The following CCDC15 variants were observed in gnomAD, a reference collection of about 807,000 sequenced individuals.
CCDC15 encodes coiled-coil domain containing 15.
CCDC15 carries 105 observed loss-of-function variants against 114.5 expected under a neutral mutation model. The observed-to-expected ratio is 0.92, with a 90% CI of 0.78 to 1.08. The LOEUF is 1.08. Among genes scored for constraint, CCDC15 ranks in the 50% least tolerant of loss-of-function variants. CCDC15 has a pLI of 0.00. For synonymous variants in CCDC15, 334 were observed against 377.8 expected (o/e 0.88, Z 1.34); for missense variants, 1,105 against 1,093.6 (o/e 1.01, Z -0.15).
intron 13 of CCDC15, among the ~76,000 whole-genome samples, chr11:125,031,512 C>T (rs1948739133): frequency 6.6e-6 from 1 of 152,200 alleles, no homozygotes; most frequent in Admixed American, 6.6e-5. Flanking sequence ...AGAAAGCACC[C>T]ACTTCATGAT....
At chr11:125,010,282 T>C (rs796615550) in intron 13 of CCDC15, among the ~76,000 whole-genome samples, 4 of 152,324 alleles carry the variant, frequency 2.6e-5, no homozygotes, top group African/African-American at 9.6e-5. Flanking sequence ...TGGAACATAT[T>C]TTCATGTTTA....
intron 8 of CCDC15, among the ~76,000 whole-genome samples, chr11:124,989,284 T>G (rs1948230160): frequency 6.6e-6 from 1 of 152,148 alleles, no homozygotes; most frequent in Admixed American, 6.5e-5. Context: ...GCATCTTTAT[T>G]TTTTTTGGAA....
rs184719217 is a variant in CCDC15, at chr11:125,004,789, A to G, written c.2308-320A>G. On this transcript the variant is annotated intron_variant, in intron 12 of 15. Transcript: ENST00000344762. Reference sequence around the variant, plus strand: ...TTGGTTCTGTTATGAAATATCTTCTACATTCTTTCTGTGGCTCTGCTTTTA... The same window carrying G: ...TTGGTTCTGTTATGAAATATCTTCTGCATTCTTTCTGTGGCTCTGCTTTTA... 9.9e-5 allele frequency among the ~76,000 whole-genome samples: 15 copies of G among 152,206 alleles called. No homozygotes were observed. In the East Asian group the frequency reaches 2.9e-3, roughly 29 times the overall value.
chr11:125,015,788 A>G (rs1948625454), intron 13 of CCDC15, among the ~76,000 whole-genome samples: 1 of 152,172 alleles, frequency 6.6e-6, no homozygotes, highest in Admixed American at 6.5e-5. Flanking sequence ...AGCATTACAG[A>G]CTAATTTTTC....
intron 13 of CCDC15, among the ~76,000 whole-genome samples, chr11:125,019,693 C>G (rs1418893392): frequency 6.6e-6 from 1 of 151,890 alleles, no homozygotes; most frequent in African/African-American, 2.4e-5. Flanking sequence ...TCACTGGGTA[C>G]ATGTTGTACT....
rs1947812737 is a variant in CCDC15, at chr11:124,967,966, C to CTGCAGAACAGCAAATAT, written c.517-7109_517-7093dup. Among the ~76,000 whole-genome samples the CTGCAGAACAGCAAATAT allele has an allele frequency of 1.1e-4, 17 of 152,290 alleles. No homozygotes were observed. In the South Asian group the frequency reaches 2.9e-3, roughly 26 times the overall value. On this transcript the variant is annotated intron_variant, in intron 4 of 15. Coordinates refer to ENST00000344762, the MANE Select transcript of CCDC15 (RefSeq NM_025004.3). ...TTTGCCTGGGTATCACCAGTGGAGG[C>CTGCAGAACAGCAAATAT]TGCAGAACAGCAAATATTGCAGAAC... is the stretch of plus-strand genomic sequence containing the variant.
At chr11:125,031,382 G>A (rs1304058156) in intron 13 of CCDC15, among the ~76,000 whole-genome samples, 4 of 152,208 alleles carry the variant, frequency 2.6e-5, no homozygotes, top group African/African-American at 9.7e-5. Context: ...ATGGGCATTT[G>A]AGCCACTTCC....
intron 13 of CCDC15, among the ~76,000 whole-genome samples, chr11:125,009,591 T>A (rs1387211548): frequency 6.6e-6 from 1 of 152,182 alleles, no homozygotes; most frequent in Non-Finnish European, 1.5e-5. Context: ...GTGGTATAAA[T>A]GATCCTGTCA....
chr11:125,018,694 A>C (rs997433069), intron 13 of CCDC15, among the ~76,000 whole-genome samples: 8 of 152,096 alleles, frequency 5.3e-5, no homozygotes, highest in Non-Finnish European at 4.4e-5. Context: ...GTAACGTGTA[A>C]ATGTGCTTAG....
At position 125,012,816 on chromosome 11, in the gene CCDC15, G is replaced by A. The variant is rs191466084; in HGVS notation, c.2411+7604G>A. ...AACATTTATTGAAAACTTACTACAT[G>A]CCAGGGACTGTTCTATATGCTGAGA... On this transcript the variant is annotated intron_variant, in intron 13 of 15. Transcript: ENST00000344762. Among the ~76,000 whole-genome samples the A allele has an allele frequency of 6.8e-4, 104 of 152,234 alleles. 1 individual carries two copies. In the Middle Eastern group the frequency reaches 0.01, roughly 15 times the overall value.
rs949656291 is a variant in CCDC15, at chr11:124,959,959, G to A, written c.472G>A (p.Asp158Asn). The A allele has an allele frequency of 6.3e-7, 1 of 1,581,804 alleles. No homozygotes were observed. The highest frequency in any genetic ancestry group is 8.6e-7 in the Non-Finnish European group (1 of 1,162,090). The change falls in exon 4 of 16, where the codon GAT becomes AAT. Residue 158 changes from aspartate (D) to asparagine (N), a missense_variant. Coordinates refer to ENST00000344762, the MANE Select transcript of CCDC15 (RefSeq NM_025004.3). ...PSLMPGDGIE[D>N]EENQNELFQQ... The stretch of plus-strand genomic sequence containing the variant: ...CCTGATGCCTGGGGATGGAATAGAG[G>A]ATGAAGAGAATCAGAACGAATTATT...
Position 124,991,534 on chromosome 11 carries a change from A to C in CCDC15, c.1982A>C (p.Tyr661Ser). ...KGREDFSLAD[Y>S]QCLPPKSQDQ... ...AGAGAAGACTTTTCTCTGGCAGACT[A>C]TCAGTGTTTGCCTCCCAAATCCCAG... The change falls in exon 9 of 16, where the codon TAT (tyrosine) becomes TCT (serine). Residue 661 changes from tyrosine to serine, a missense_variant. Tyr to Ser is a moderately radical substitution (Grantham distance 144, BLOSUM62 -2). Transcript: ENST00000344762. 6.2e-7 allele frequency: 1 copy of C among 1,610,064 alleles called. No individual in the cohort carries two copies. The highest frequency in any genetic ancestry group is 8.5e-7 in the Non-Finnish European group (1 of 1,177,202).
In CCDC15 at chr11:125,011,028, G is replaced by A. The variant is rs934953270; in HGVS notation, c.2411+5816G>A. ...TGCATTTGCCTAACCAGTTATCCCA[G>A]CACCATTTATTGAATAAGGAGTCCT... On this transcript the variant is annotated intron_variant, in intron 13 of 15. Coordinates refer to ENST00000344762, the MANE Select transcript of CCDC15 (RefSeq NM_025004.3). 2.6e-5 allele frequency among the ~76,000 whole-genome samples: 4 copies of A among 151,812 alleles called. No homozygotes were observed. In the South Asian group the frequency reaches 8.3e-4, roughly 32 times the overall value.
chr11:125,023,554 C>T (rs1219450034), intron 13 of CCDC15, among the ~76,000 whole-genome samples: 1 of 151,906 alleles, frequency 6.6e-6, no homozygotes, highest in Non-Finnish European at 1.5e-5. Flanking sequence ...ATGCTCAAAT[C>T]ATAGTTACTG....
At chr11:125,027,031 T>G (rs1322122158) in intron 13 of CCDC15, among the ~76,000 whole-genome samples, 1 of 152,220 alleles carries the variant, frequency 6.6e-6, no homozygotes, top group Non-Finnish European at 1.5e-5. Context: ...AATAATAGCC[T>G]CCAACTCCAT....
chr11:124,955,035 T>G, intron 2 of CCDC15, 126 bp downstream of exon 2: 1 of 846,302 alleles, frequency 1.2e-6, no homozygotes. Flanking sequence ...ATAAATAGTT[T>G]ATGCTCTTGC....
chr11:124,983,889 G>C (rs948320373), intron 6 of CCDC15, among the ~76,000 whole-genome samples: 1 of 152,114 alleles, frequency 6.6e-6, no homozygotes, highest in Non-Finnish European at 1.5e-5. Context: ...TGGAGCGGCG[G>C]GAGTGGGGCC....
At chr11:125,026,205 C>T (rs992721560) in intron 13 of CCDC15, among the ~76,000 whole-genome samples, 3 of 152,190 alleles carry the variant, frequency 2.0e-5, no homozygotes, top group Non-Finnish European at 4.4e-5. Context: ...AGAGCACTTT[C>T]GCCTGTGGTG....
intron 13 of CCDC15, among the ~76,000 whole-genome samples, chr11:125,008,232 A>G (rs1272979813): frequency 1.3e-5 from 2 of 152,142 alleles, no homozygotes; most frequent in African/African-American, 2.4e-5. Context: ...TTGCTCATAT[A>G]GATCTTATAT....
Sources: gnomAD v4.1 joint callset for allele counts (sites outside exome capture counted in the v4.1 genomes callset) on GRCh38, gnomAD v4.1.1 for gene constraint, MANE v1.5 for transcripts, NCBI Gene and HGNC (gene_info 2026-07-23, HGNC 2026-07-21) for gene names.